The following STK32B variants were observed in gnomAD, a reference collection of about 807,000 sequenced individuals.
The protein encoded by STK32B is serine/threonine kinase 32B, also known as serine/threonine-protein kinase 32B.
STK32B carries 43 observed loss-of-function variants against 52.6 expected under a neutral mutation model. That is an observed-to-expected ratio of 0.82 (90% CI 0.64 to 1.05). The LOEUF is 1.05. STK32B is among the 50% of genes least tolerant of loss of function. The probability of loss-of-function intolerance (pLI) is 0.00; values close to 1 mark genes in which losing one functional copy is unlikely to be tolerated. For missense variants in STK32B, 621 were observed against 534.6 expected (o/e 1.16, Z -1.59); for synonymous variants, 238 against 204.3 (o/e 1.17, Z -1.41).
rs1560313411 is a variant in STK32B at position 5,317,238 on chromosome 4, T to TATA, written c.261-13981_261-13979dup. 1.4e-4 allele frequency among the ~76,000 whole-genome samples: 8 copies of TATA among 57,996 alleles called. No individual in the cohort carries two copies. In the East Asian group the frequency reaches 2.3e-3, roughly 17 times the overall value. 38.0% of individuals were successfully genotyped at this position (57,996 alleles called of 152,430 possible). ...ACATATATATATTATATATAACATATATATATTATATATAACATATAACAT... is the reference window on the plus strand; with the variant it reads ...ACATATATATATTATATATAACATATATAATATATTATATATAACATATAACAT... On this transcript the variant is annotated intron_variant, in intron 3 of 11. Coordinates refer to ENST00000282908, the MANE Select transcript of STK32B (RefSeq NM_018401.3).
At chr4:5,038,263 A>G in the STK32B span, among the ~76,000 whole-genome samples, 1 of 152,188 alleles carries the variant, frequency 6.6e-6, no homozygotes, top group Non-Finnish European at 1.5e-5. Context: ...GCAAGGAAGG[A>G]TGACGATGAC....
intron 3 of STK32B, among the ~76,000 whole-genome samples, chr4:5,238,265 A>T (rs922809625): frequency 2.0e-5 from 3 of 152,100 alleles, no homozygotes; most frequent in African/African-American, 4.8e-5. Context: ...TGCCTTCTCC[A>T]GCTTCTAGTG....
rs4350952 is a variant in STK32B at position 5,238,713 on chromosome 4, C to G, written c.260+70263C>G. On this transcript the variant is annotated intron_variant, in intron 3 of 11. Transcript: ENST00000282908. ...CAAAGGCCAGCGTTTAGAATCAGAT[C>G]TGGTAGGTGGGCCGTAATAAATTTT... Among the ~76,000 whole-genome samples the G allele has an allele frequency of 8.5e-3, 1,299 of 152,266 alleles. 22 individuals are homozygous for G. Among genetic ancestry groups the G allele is most frequent in the African/African-American group, 0.023 (973 of 41,554 alleles).
intron 1 of STK32B, among the ~76,000 whole-genome samples, chr4:5,101,853 A>G (rs1713805318): frequency 6.6e-6 from 1 of 152,168 alleles, no homozygotes; most frequent in African/African-American, 2.4e-5. Flanking sequence ...TGCCTTGCTC[A>G]ATGTCATGTG....
chr4:5,376,131 GCTCTGCTTTGCTGGCATCCC>G (rs1380784022), intron 4 of STK32B, among the ~76,000 whole-genome samples: 2 of 152,178 alleles, frequency 1.3e-5, no homozygotes, highest in Admixed American at 1.3e-4. Context: ...CTGTGGGGGT[GCTCTGCTTTGCTGGCATCCC>G]CTCTGAGAGC....
intron 3 of STK32B, among the ~76,000 whole-genome samples, chr4:5,297,764 T>G (rs1425331531): frequency 6.6e-6 from 1 of 152,076 alleles, no homozygotes; most frequent in East Asian, 1.9e-4. Flanking sequence ...ATTACCCACC[T>G]TCTGAAGCCT....
At position 5,499,005 on chromosome 4, in the gene STK32B, C is replaced by T; in HGVS notation, c.1167C>T (p.Gly389=). 1 of 1,613,796 alleles carries T rather than the reference C, an allele frequency of 6.2e-7. No homozygotes were observed. The highest frequency in any genetic ancestry group is 1.1e-5 in the South Asian group (1 of 91,036). The part of the protein sequence containing the change: ...QLLDTDSRGG[G]QAQSKLQDGC... The stretch of plus-strand genomic sequence containing the variant: ...TGGACACCGACAGCCGAGGGGGAGG[C>T]CAGGCCCAAAGCAAGCTCCAGGACG... The change falls in exon 12 of 12, where the codon GGC becomes GGT. Residue 389 remains glycine (G), a synonymous_variant. Coordinates refer to ENST00000282908, the MANE Select transcript of STK32B (RefSeq NM_018401.3).
At position 5,500,540 on chromosome 4, in the gene STK32B, A is replaced by AT. The variant is rs1389881420; in HGVS notation, c.*1463dup. On this transcript the variant is annotated 3_prime_UTR_variant, in exon 12 of 12. Transcript: ENST00000282908. ...CCTGCTGAAGTTCGACTGTGTTTTTATTTTTTCATCCAACTTCCATTTTTC... is the reference window on the plus strand; with the variant it reads ...CCTGCTGAAGTTCGACTGTGTTTTTATTTTTTTCATCCAACTTCCATTTTTC... 1.3e-5 allele frequency: 2 copies of AT among 151,664 alleles called. No individual in the cohort carries two copies. The highest frequency in any genetic ancestry group is 1.5e-5 in the Non-Finnish European group (1 of 67,938). The allele number at this position is 151,664 out of a possible 1,614,324, so 9.4% of individuals were successfully genotyped here.
chr4:5,444,299 T>A (rs4487284), intron 6 of STK32B, among the ~76,000 whole-genome samples: 1 of 152,142 alleles, frequency 6.6e-6, no homozygotes, highest in African/African-American at 2.4e-5. Flanking sequence ...GATATAATCT[T>A]GTGGTGCACC....
intron 2 of STK32B, among the ~76,000 whole-genome samples, chr4:5,144,839 A>G (rs1002607277): frequency 6.7e-6 from 1 of 148,826 alleles, no homozygotes; most frequent in Non-Finnish European, 1.5e-5. Context: ...CATCCAACAT[A>G]CGGAGGACCA....
In STK32B at chr4:5,394,977, C is replaced by CG. The variant is rs1392472718; in HGVS notation, c.435-3230_435-3229insG. Among the ~76,000 whole-genome samples, 4 of 152,216 alleles carry CG rather than the reference C, an allele frequency of 2.6e-5. No individual in the cohort carries two copies. Among genetic ancestry groups the CG allele is most frequent in the African/African-American group, 7.2e-5 (3 of 41,452 alleles). Reference sequence around the variant, plus strand: ...TAGGATCTCACAAAACTACAATCCACATGCCCACCGGGCTGCACTCCTTTC... The same window carrying CG: ...TAGGATCTCACAAAACTACAATCCACGATGCCCACCGGGCTGCACTCCTTTC... On this transcript the variant is annotated intron_variant, in intron 4 of 11. Transcript: ENST00000282908. The surrounding 1 kb of genome is among the most constrained non-coding windows in gnomAD (Gnocchi z 4.2).
chr4:5,431,411 A>C (rs754033419), intron 6 of STK32B, among the ~76,000 whole-genome samples: 17 of 152,324 alleles, frequency 1.1e-4, no homozygotes, highest in Non-Finnish European at 2.4e-4. Flanking sequence ...GCTATTTAGA[A>C]GTTCATCTCA....
chr4:5,340,695 G>A (rs1733016144), intron 4 of STK32B, among the ~76,000 whole-genome samples: 1 of 152,134 alleles, frequency 6.6e-6, no homozygotes, highest in African/African-American at 2.4e-5. Flanking sequence ...AATGAATCAA[G>A]TTTATTAAAC....
At chr4:5,155,405 T>C (rs1469276071) in intron 2 of STK32B, among the ~76,000 whole-genome samples, 2 of 152,180 alleles carry the variant, frequency 1.3e-5, no homozygotes, top group Non-Finnish European at 2.9e-5. Context: ...CGCTGTTTTA[T>C]CCCTAGCTCC....
chr4:5,449,268 G>A (rs562058137), intron 7 of STK32B, among the ~76,000 whole-genome samples: 11 of 152,258 alleles, frequency 7.2e-5, no homozygotes, highest in African/African-American at 2.2e-4. Context: ...GCTTGAACCC[G>A]GGAAGCGGAG....
At chr4:5,181,329 G>GACACACACAC (rs751590603) in intron 3 of STK32B, among the ~76,000 whole-genome samples, 2,766 of 138,066 alleles carry the variant, frequency 0.02, 60 homozygotes, top group East Asian at 0.069. Flanking sequence ...TGGAGAGTGA[G>GACACACACAC]ACACACACAC....
chr4:5,454,914 T>G (rs1332516936), intron 7 of STK32B, among the ~76,000 whole-genome samples: 4 of 152,026 alleles, frequency 2.6e-5, no homozygotes, highest in African/African-American at 9.7e-5. Flanking sequence ...CCCATTAGAT[T>G]AAAAAAAATT....
intron 3 of STK32B, among the ~76,000 whole-genome samples, chr4:5,233,321 A>C (rs1724406263): frequency 6.6e-6 from 1 of 152,190 alleles, no homozygotes; most frequent in Admixed American, 6.5e-5. Flanking sequence ...CATGGGATTG[A>C]CGTGTGCTGA....
In STK32B at chr4:5,268,866, A is replaced by C. The variant is rs1202860095; in HGVS notation, c.261-62354A>C. ...AACAAACAAAAAAGGGGGAAAAAAC[A>C]ATAAGCAATAGTTTGGAAGAAACTG... On this transcript the variant is annotated intron_variant, in intron 3 of 11. Coordinates refer to ENST00000282908, the MANE Select transcript of STK32B (RefSeq NM_018401.3). 5.9e-5 allele frequency among the ~76,000 whole-genome samples: 9 copies of C among 152,100 alleles called. No individual in the cohort carries two copies. The East Asian group carries it at 1.2e-3, about 20-fold the overall frequency.
Sources: gnomAD v4.1 joint callset for allele counts (sites outside exome capture counted in the v4.1 genomes callset) on GRCh38, gnomAD v4.1.1 for gene constraint, Gnocchi (gnomAD v3.1) non-coding constraint, MANE v1.5 for transcripts, NCBI Gene and HGNC (gene_info 2026-07-23, HGNC 2026-07-21) for gene names.